Variants in LINGO2 observed in about 807,000 individuals in gnomAD.
The protein encoded by LINGO2 is leucine-rich repeat and immunoglobulin-like domain-containing nogo receptor-interacting protein 2.
A neutral mutation model predicts 30.6 loss-of-function variants in LINGO2; 14 were observed. The ratio of observed to expected loss-of-function variants is 0.46; its 90% CI spans 0.30 to 0.72. LINGO2 has a LOEUF of 0.72. Ranked by LOEUF, LINGO2 falls within the 30% of genes least tolerant of loss-of-function variation. The pLI is 0.07. For missense variants in LINGO2, 729 were observed against 751.7 expected, an observed-to-expected ratio of 0.97 and a Z score of 0.35; for synonymous variants, 317 against 288.5, an observed-to-expected ratio of 1.10 and a Z score of -1.00.
intron 1 of LINGO2, among the ~76,000 whole-genome samples, chr9:28,626,696 C>T (rs13300607): frequency 0.099 from 15,010 of 152,000 alleles, 911 homozygotes; most frequent in East Asian, 0.19. Context: ...AACGTTTTTT[C>T]TCTCTCTGTT....
At chr9:28,373,639 C>A (rs1186883327) in intron 2 of LINGO2, among the ~76,000 whole-genome samples, 2 of 152,062 alleles carry the variant, frequency 1.3e-5, no homozygotes, top group South Asian at 2.1e-4. Flanking sequence ...GTGGCTCATG[C>A]CTGTAATCCG....
rs536105609 is a variant in LINGO2, at chr9:28,013,374, C to A, written c.-86-969G>T. Among the ~76,000 whole-genome samples the A allele has an allele frequency of 3.3e-5, 5 of 152,128 alleles. No individual in the cohort carries two copies. The South Asian group carries it at 8.3e-4, about 25-fold the overall frequency. ...AATAGGAATAGTGTGAGAAAGAAGC[C>A]CCAAGGTAAAAGGAATCTGCTTATC... On this transcript the variant is annotated intron_variant, in intron 4 of 5. Coordinates refer to ENST00000379992, the Ensembl canonical transcript of LINGO2.
At chr9:28,343,694 C>A (rs918598231) in intron 3 of LINGO2, among the ~76,000 whole-genome samples, 3 of 152,164 alleles carry the variant, frequency 2.0e-5, no homozygotes, top group Middle Eastern at 3.4e-3. Flanking sequence ...ATTCTTGAGA[C>A]CTTAGACAAG....
the LINGO2 span, among the ~76,000 whole-genome samples, chr9:28,813,069 TAAAAAAA>T: frequency 6.9e-6 from 1 of 144,146 alleles, no homozygotes; most frequent in Non-Finnish European, 1.5e-5. Context: ...CCTACTGCAG[TAAAAAAA>T]AAAAAAAAAA....
chr9:29,145,528 AT>A, the LINGO2 span, among the ~76,000 whole-genome samples: 2 of 151,598 alleles, frequency 1.3e-5, no homozygotes, highest in Non-Finnish European at 2.9e-5. Flanking sequence ...TTTTAAAAAA[AT>A]AACTGTAAAT....
intron 3 of LINGO2, among the ~76,000 whole-genome samples, chr9:28,310,649 A>T (rs774850868): frequency 6.6e-4 from 100 of 152,318 alleles, no homozygotes; most frequent in African/African-American, 2.4e-3. Context: ...TTTTAACTGC[A>T]GTGATGGTTT....
the LINGO2 span, among the ~76,000 whole-genome samples, chr9:28,952,249 T>C: frequency 2.0e-5 from 3 of 152,152 alleles, no homozygotes; most frequent in African/African-American, 7.2e-5. Context: ...ATGGGTTCAA[T>C]ATCTATCTAT....
chr9:28,873,570 T>C, the LINGO2 span, among the ~76,000 whole-genome samples: 16 of 152,058 alleles, frequency 1.1e-4, no homozygotes, highest in African/African-American at 3.9e-4. Flanking sequence ...ATTACTTTGA[T>C]TGGAATTTGC....
chr9:29,128,264 G>A, the LINGO2 span, among the ~76,000 whole-genome samples: 5 of 151,994 alleles, frequency 3.3e-5, no homozygotes, highest in African/African-American at 1.2e-4. Flanking sequence ...ATCTCCAAAG[G>A]GGATGCCCTA....
intron 4 of LINGO2, among the ~76,000 whole-genome samples, chr9:28,171,647 A>C (rs1828586292): frequency 6.6e-6 from 1 of 152,100 alleles, no homozygotes; most frequent in Non-Finnish European, 1.5e-5. Context: ...TTTCACCAAA[A>C]TTCCAACATC....
intron 4 of LINGO2, among the ~76,000 whole-genome samples, chr9:28,120,863 G>T (rs1827075461): frequency 6.6e-6 from 1 of 152,024 alleles, no homozygotes; most frequent in African/African-American, 2.4e-5. Context: ...TTGCTTAATA[G>T]TTCACGACAG....
chr9:28,714,164 A>AATATATATAT, the LINGO2 span, among the ~76,000 whole-genome samples: 1,319 of 117,068 alleles, frequency 0.011, 27 homozygotes, highest in African/African-American at 0.02. Flanking sequence ...TGCCTCAAAT[A>AATATATATAT]ATATATATAT....
intron 1 of LINGO2, among the ~76,000 whole-genome samples, chr9:28,556,140 G>C (rs982825365): frequency 1.3e-5 from 2 of 151,930 alleles, no homozygotes; most frequent in African/African-American, 4.8e-5. Context: ...TGGAAGTTCT[G>C]GCCAGGGCAA....
the LINGO2 span, among the ~76,000 whole-genome samples, chr9:29,135,366 T>C: frequency 1.3e-5 from 2 of 152,022 alleles, no homozygotes; most frequent in African/African-American, 4.8e-5. Flanking sequence ...GAGACCATCC[T>C]GGCCAACATG....
rs531286007 is a variant in LINGO2 at position 28,187,928 on chromosome 9, TC to T, written c.-87+107279del. 1.5e-3 allele frequency among the ~76,000 whole-genome samples: 230 copies of T among 152,324 alleles called. 1 individual carries two copies. The highest frequency in any genetic ancestry group is 5.3e-3 in the African/African-American group (219 of 41,582). On this transcript the variant is annotated intron_variant, in intron 4 of 5. Coordinates refer to ENST00000379992, the Ensembl canonical transcript of LINGO2. ...AATAACTAGGTAATTGCCTTTTAAT[TC>T]CAAACTATGATTTGCTTCTTTATCT...
intron 2 of LINGO2, among the ~76,000 whole-genome samples, chr9:28,389,943 C>A (rs1478167529): frequency 6.6e-6 from 1 of 152,144 alleles, no homozygotes; most frequent in Non-Finnish European, 1.5e-5. Context: ...GTTTCATGTT[C>A]CAACATTCCA....
chr9:28,772,860 A>C, the LINGO2 span, among the ~76,000 whole-genome samples: 1 of 152,322 alleles, frequency 6.6e-6, no homozygotes, highest in East Asian at 1.9e-4. Context: ...CAATACTATC[A>C]ATCTACAACA....
the LINGO2 span, among the ~76,000 whole-genome samples, chr9:29,053,417 G>C: frequency 7.9e-5 from 12 of 152,110 alleles, no homozygotes; most frequent in African/African-American, 2.7e-4. Flanking sequence ...ACCTATGGGT[G>C]GGGGGAAGGG....
At chr9:28,811,303 T>C in the LINGO2 span, among the ~76,000 whole-genome samples, 1 of 152,174 alleles carries the variant, frequency 6.6e-6, no homozygotes, top group Admixed American at 6.5e-5. Flanking sequence ...CCAGTCACAA[T>C]TATCTCTTTG....
Sources: allele counts gnomAD v4.1 joint callset (sites outside exome capture counted in the v4.1 genomes callset), GRCh38; gene constraint gnomAD v4.1.1; transcripts MANE v1.5; gene names NCBI Gene and HGNC (gene_info 2026-07-23, HGNC 2026-07-21).